The following WDR7 variants were observed in gnomAD, a reference collection of about 807,000 sequenced individuals.
The protein encoded by WDR7 is WD repeat domain 7, also known as WD repeat-containing protein 7.
A neutral mutation model predicts 169.4 loss-of-function variants in WDR7; 46 were observed. That is an observed-to-expected ratio of 0.27 (90% CI 0.21 to 0.35). WDR7 has a LOEUF of 0.35. Among genes scored for constraint, WDR7 ranks in the 10% least tolerant of loss-of-function variants. The probability of loss-of-function intolerance (pLI) is 1.00; values close to 1 mark genes in which losing one functional copy is unlikely to be tolerated. For missense variants in WDR7, 1,534 were observed against 1,859.3 expected (o/e 0.83, Z 3.22); for synonymous variants, 612 against 666.8 (o/e 0.92, Z 1.27).
chr18:56,761,760 T>C (rs928215924), intron 16 of WDR7, among the ~76,000 whole-genome samples: 1 of 151,996 alleles, frequency 6.6e-6, no homozygotes, highest in Non-Finnish European at 1.5e-5. Flanking sequence ...TTAAAAATTT[T>C]TCTTAACTGG....
At chr18:56,689,509 C>T (rs1443270336) in intron 7 of WDR7, among the ~76,000 whole-genome samples, 1 of 152,202 alleles carries the variant, frequency 6.6e-6, no homozygotes, top group African/African-American at 2.4e-5. Context: ...GTCAGCTTGC[C>T]TTGGCCTCCC....
intron 12 of WDR7, among the ~76,000 whole-genome samples, chr18:56,702,343 T>C (rs974181790): frequency 6.6e-6 from 1 of 152,156 alleles, no homozygotes; most frequent in African/African-American, 2.4e-5. Context: ...TATTTCCACA[T>C]AGGTTACTCT....
At chr18:56,657,428 C>T (rs770701242) in intron 1 of WDR7, among the ~76,000 whole-genome samples, 2 of 152,208 alleles carry the variant, frequency 1.3e-5, no homozygotes, top group African/African-American at 2.4e-5. Flanking sequence ...GGATTACAGG[C>T]GTGAGCCACC....
intron 22 of WDR7, among the ~76,000 whole-genome samples, chr18:56,924,964 A>G (rs2046783323): frequency 1.3e-5 from 2 of 152,278 alleles, no homozygotes; most frequent in Middle Eastern, 3.4e-3. Context: ...GGCCCTGGCA[A>G]CCATTAATCT....
chr18:56,968,894 C>T (rs2047447245), intron 26 of WDR7, among the ~76,000 whole-genome samples: 1 of 152,146 alleles, frequency 6.6e-6, no homozygotes, highest in Admixed American at 6.5e-5. Flanking sequence ...TCTTAGAGGA[C>T]CTTAATGTTA....
intron 21 of WDR7, among the ~76,000 whole-genome samples, chr18:56,903,399 ATTTTAT>A (rs1568257928): frequency 6.6e-6 from 1 of 151,852 alleles, no homozygotes; most frequent in Non-Finnish European, 1.5e-5. Context: ...TTTGTTTTTC[ATTTTAT>A]TTTTATTATT....
At chr18:56,792,789 CACAG>C (rs969211240) in intron 19 of WDR7, among the ~76,000 whole-genome samples, 1 of 151,564 alleles carries the variant, frequency 6.6e-6, no homozygotes, top group African/African-American at 2.4e-5. Flanking sequence ...CACACACACA[CACAG>C]ACACACATGC....
rs142007603 is a variant in WDR7, at chr18:56,667,444, G to C, written c.-19-5053G>C. ...AAGTTTGAGCATGTTGCTTCTCTAT[G>C]TAGATATCTGCTTATTGGACCATTA... On this transcript the variant is annotated intron_variant, in intron 1 of 27. Transcript: ENST00000254442. Among the ~76,000 whole-genome samples the C allele has an allele frequency of 4.0e-3, 607 of 152,186 alleles. 2 individuals are homozygous for C. The highest frequency in any genetic ancestry group is 9.8e-3 in the Admixed American group (149 of 15,282).
intron 21 of WDR7, among the ~76,000 whole-genome samples, chr18:56,904,169 G>A (rs4239465): frequency 0.82 from 123,749 of 151,536 alleles, 50,920 homozygotes; most frequent in East Asian, 0.98. Flanking sequence ...TCCTGGGTTC[G>A]AGTGATTCTC....
intron 25 of WDR7, among the ~76,000 whole-genome samples, chr18:56,953,633 G>A (rs1303362066): frequency 6.6e-6 from 1 of 152,232 alleles, no homozygotes; most frequent in African/African-American, 2.4e-5. Flanking sequence ...ATCAATCAGT[G>A]AGCTGTCACA....
At chr18:56,754,402 T>TACAC (rs758158743) in intron 14 of WDR7, among the ~76,000 whole-genome samples, 1 of 151,120 alleles carries the variant, frequency 6.6e-6, no homozygotes, top group African/African-American at 2.4e-5. Flanking sequence ...CGTGTATATA[T>TACAC]ACACATATAT....
chr18:56,869,649 G>A (rs2045927451), intron 20 of WDR7, among the ~76,000 whole-genome samples: 1 of 152,132 alleles, frequency 6.6e-6, no homozygotes, highest in Admixed American at 6.6e-5. Context: ...AAGTAAATGT[G>A]GAAGTGCCCT....
chr18:56,916,923 C>T (rs767193728), intron 21 of WDR7, among the ~76,000 whole-genome samples: 4 of 151,964 alleles, frequency 2.6e-5, no homozygotes, highest in African/African-American at 9.7e-5. Context: ...ATTAGCCGGG[C>T]GTGGTGGCTC....
intron 12 of WDR7, among the ~76,000 whole-genome samples, chr18:56,700,490 C>T (rs1415189551): frequency 2.7e-5 from 4 of 150,936 alleles, no homozygotes; most frequent in African/African-American, 9.7e-5. Flanking sequence ...CTCTCGACCT[C>T]GTGATCCACC....
intron 16 of WDR7, among the ~76,000 whole-genome samples, chr18:56,774,900 T>C (rs562323582): frequency 4.6e-5 from 7 of 152,240 alleles, no homozygotes; most frequent in African/African-American, 7.2e-5. Flanking sequence ...AATGCCTTTT[T>C]TTCTAAATGA....
At chr18:56,771,400 T>C (rs955484578) in intron 16 of WDR7, among the ~76,000 whole-genome samples, 1 of 151,976 alleles carries the variant, frequency 6.6e-6, no homozygotes, top group Non-Finnish European at 1.5e-5. Flanking sequence ...ATGATGAAGA[T>C]TGGTTAGGAG....
chr18:56,731,254 A>G (rs2026579914), intron 13 of WDR7, 129 bp from the exon 14 acceptor site: 7 of 1,056,278 alleles, frequency 6.6e-6, no homozygotes, highest in Non-Finnish European at 9.3e-6. Flanking sequence ...GAAGTACAAA[A>G]AAAAATTTCC....
intron 23 of WDR7, chr18:56,936,116 A>G: frequency 2.1e-6 from 1 of 473,254 alleles, no homozygotes; most frequent in Non-Finnish European, 3.7e-6. Flanking sequence ...TTCTGTATTC[A>G]TTTCTGTTCT....
At chr18:56,819,482 C>T (rs942830084) in intron 20 of WDR7, among the ~76,000 whole-genome samples, 11 of 152,106 alleles carry the variant, frequency 7.2e-5, no homozygotes, top group African/African-American at 2.4e-4. Flanking sequence ...TTTTACTTAG[C>T]GTTCTGTCTT....
Sources: allele counts gnomAD v4.1 joint callset (sites outside exome capture counted in the v4.1 genomes callset), GRCh38; gene constraint gnomAD v4.1.1; transcripts MANE v1.5; gene names NCBI Gene and HGNC (gene_info 2026-07-23, HGNC 2026-07-21).